The following TAF1 variants were observed in gnomAD, a reference collection of about 807,000 sequenced individuals.
TAF1 encodes the protein transcription initiation factor TFIID subunit 1.
In TAF1, 2 loss-of-function variants were observed where a neutral mutation model predicts 138.5. The ratio of observed to expected loss-of-function variants is 0.01; its 90% CI spans 0.01 to 0.05. The LOEUF (loss-of-function observed/expected upper bound fraction) is 0.05, where lower values mean the gene tolerates loss of function less well. Ranked by LOEUF, TAF1 falls within the 10% of genes least tolerant of loss-of-function variation. The pLI is 1.00. For missense variants in TAF1, 709 were observed against 1,478.0 expected (o/e 0.48, Z 8.53); for synonymous variants, 437 against 503.2 (o/e 0.87, Z 1.76).
intron 28 of TAF1, among the ~76,000 whole-genome samples, chrX:71,417,968 T>C (rs1404407633): frequency 8.9e-6 from 1 of 112,540 alleles, no homozygotes; most frequent in Non-Finnish European, 1.9e-5. Flanking sequence ...TGTTAGCATA[T>C]GGTCAATCTA....
intron 24 of TAF1, among the ~76,000 whole-genome samples, chrX:71,401,149 T>G (rs1429366602): frequency 2.7e-5 from 3 of 112,416 alleles, no homozygotes; most frequent in Non-Finnish European, 5.6e-5. Flanking sequence ...ATTTCATTTT[T>G]TTTCTATGTG....
Position 71,463,920 on chromosome X carries a change from T to G in TAF1, c.5496T>G (p.Asp1832Glu), listed in dbSNP as rs748384083. 4 of 1,208,716 alleles carry G rather than the reference T, an allele frequency of 3.3e-6. No individual in the cohort carries two copies. Among genetic ancestry groups the G allele is most frequent in the Admixed American group, 2.2e-5 (1 of 45,679 alleles). ...GGYEVSEEEEDEEEEEQRSGP... is the reference protein window; with the variant it reads ...GGYEVSEEEEEEEEEEQRSGP... ...ATGAGGTATCAGAGGAGGAAGAAGA[T>G]GAGGAGGAGGAAGAGCAGCGCTCTG... is the stretch of plus-strand genomic sequence containing the variant. Residue 1832 changes from aspartate to glutamate, a missense_variant, in exon 38 of 38, where the codon GAT (aspartate) becomes GAG (glutamate). Asp to Glu is a conservative substitution (Grantham distance 45). Around this residue, in one of 14 missense-constraint regions of TAF1, gnomAD observed 123 missense variants for 174.7 expected, o/e 0.70. Transcript: ENST00000423759.
At chrX:71,410,315 A>T (rs1258155365) in intron 28 of TAF1, among the ~76,000 whole-genome samples, 2 of 109,266 alleles carry the variant, frequency 1.8e-5, no homozygotes, top group African/African-American at 6.6e-5. Flanking sequence ...TTTTTTTATG[A>T]TGAGGTGATG....
intron 13 of TAF1, among the ~76,000 whole-genome samples, chrX:71,475,361 G>A (rs984503644): frequency 1.7e-4 from 19 of 110,502 alleles, no homozygotes; most frequent in Non-Finnish European, 5.7e-5. Flanking sequence ...TGAGGCGGGC[G>A]GATCACGAGA....
At chrX:71,376,666 CA>C (rs112839503) in intron 4 of TAF1, among the ~76,000 whole-genome samples, 6,768 of 77,142 alleles carry the variant, frequency 0.088, 533 homozygotes, top group African/African-American at 0.27. Flanking sequence ...GACTCTGTCT[CA>C]AAAAAAAAAA....
intron 13 of TAF1, among the ~76,000 whole-genome samples, chrX:71,481,210 G>A (rs965391283): frequency 1.2e-4 from 13 of 111,448 alleles, no homozygotes; most frequent in Non-Finnish European, 1.9e-4. Context: ...ACCCGGGAGG[G>A]GGAGGTTGCA....
At chrX:71,427,717 T>A (rs765933985) in intron 32 of TAF1, among the ~76,000 whole-genome samples, 28 of 111,177 alleles carry the variant, frequency 2.5e-4, no homozygotes, top group African/African-American at 9.1e-4. Context: ...GGCAGATAGA[T>A]CACCTTAGGT....
intron 25 of TAF1, among the ~76,000 whole-genome samples, chrX:71,401,958 G>C (rs1386647263): frequency 1.8e-5 from 2 of 111,745 alleles, no homozygotes; most frequent in African/African-American, 3.3e-5. Flanking sequence ...TTCTGAGTCT[G>C]TTTCCTTAGT....
intron 13 of TAF1, among the ~76,000 whole-genome samples, chrX:71,472,902 G>C (rs1368849564): frequency 9.0e-6 from 1 of 111,687 alleles, no homozygotes; most frequent in Non-Finnish European, 1.9e-5. Context: ...TATGAGTTTT[G>C]ATATGTAGTG....
chrX:71,378,237 C>T lies in TAF1; in HGVS notation c.936C>T (p.Ile312=), dbSNP rs1355994315. ...TCTACTTCTTTCTTCTGTTACAGAT[C>T]ACGATGATGGCTCCTGTGGAGTCCA... is the stretch of plus-strand genomic sequence containing the variant. ...PPEQCLSDDE[I]TMMAPVESKF... is the part of the protein sequence containing the mutation. Residue 312 remains isoleucine, a splice_region_variant and synonymous_variant, in exon 7 of 38, where the codon ATC becomes ATT. Coordinates refer to ENST00000423759, the MANE Select transcript of TAF1 (RefSeq NM_004606.5). 1 of 1,210,757 alleles carries T rather than the reference C, an allele frequency of 8.3e-7. No homozygotes were observed. Among genetic ancestry groups the T allele is most frequent in the Non-Finnish European group, 1.1e-6 (1 of 894,741 alleles).
chrX:71,412,308 T>C (rs1362263831), intron 28 of TAF1, among the ~76,000 whole-genome samples: 1 of 109,402 alleles, frequency 9.1e-6, no homozygotes, highest in Non-Finnish European at 1.9e-5. Flanking sequence ...TTTTTTATTT[T>C]GTAGAGACAA....
chrX:71,394,016 T>C (rs1444334541), intron 21 of TAF1, 51 bp from the exon 22 acceptor site: 6 of 1,116,556 alleles, frequency 5.4e-6, no homozygotes. Flanking sequence ...TACTTTTGCC[T>C]GCAACCATAT....
chrX:71,379,406 C>T (rs1034543721), intron 8 of TAF1, among the ~76,000 whole-genome samples: 4 of 108,534 alleles, frequency 3.7e-5, no homozygotes, highest in African/African-American at 6.7e-5. Context: ...TGAGCCACCA[C>T]GCCCGGCTGG....
intron 32 of TAF1, among the ~76,000 whole-genome samples, chrX:71,439,376 G>A (rs1442684466): frequency 2.7e-5 from 3 of 110,778 alleles, no homozygotes; most frequent in East Asian, 5.6e-4. Context: ...TTGCCTAGTC[G>A]CCTGGTGAAT....
chrX:71,528,572 T>C (rs2040040814), exon 14 of TAF1: 1 of 329,302 alleles, frequency 3.0e-6, no homozygotes. Context: ...CAGAGATGGA[T>C]CCACAAAGAT....
Position 71,453,383 on chromosome X carries a change from A to AC in TAF1, c.4754-777dup, listed in dbSNP as rs112941031. 9.9e-3 allele frequency among the ~76,000 whole-genome samples: 416 copies of AC among 42,069 alleles called. 3 individuals carry two copies. The highest frequency in any genetic ancestry group is 0.024 in the South Asian group (9 of 376). 36.5% of individuals were successfully genotyped at this position (42,069 alleles called of 115,157 possible). A position where few individuals can be genotyped will look rare whatever the true frequency, so the allele number is the denominator to read the frequency against. On this transcript the variant is annotated intron_variant, in intron 32 of 37. Transcript: ENST00000423759. ...AGACCAGCCTGTGCAACATAGTGAG[A>AC]CCCCCCCCCCACCCCCAATCTCTAC...
At chrX:71,379,821 C>T (rs1281127582) in intron 8 of TAF1, among the ~76,000 whole-genome samples, 1 of 110,050 alleles carries the variant, frequency 9.1e-6, no homozygotes, top group Non-Finnish European at 1.9e-5. Flanking sequence ...AGGCTGGTCT[C>T]GAACTCCCGA....
At chrX:71,385,647 C>T (rs1226085587) in intron 14 of TAF1, among the ~76,000 whole-genome samples, 1 of 111,279 alleles carries the variant, frequency 9.0e-6, no homozygotes, top group Non-Finnish European at 1.9e-5. Flanking sequence ...AACCATTTGT[C>T]CTACTCTTAT....
At chrX:71,420,222 C>A in intron 28 of TAF1, 2 of 747,448 alleles carry the variant, frequency 2.7e-6, no homozygotes, top group South Asian at 2.1e-5. Flanking sequence ...TCCTGGAAAA[C>A]CCCGATCTGT....
Sources: gnomAD v4.1 joint callset for allele counts (sites outside exome capture counted in the v4.1 genomes callset) on GRCh38, gnomAD v4.1.1 for gene constraint, gnomAD v4.1.1 regional missense constraint, MANE v1.5 for transcripts, NCBI Gene and HGNC (gene_info 2026-07-23, HGNC 2026-07-21) for gene names.